The following MAD2L2 variants were observed in gnomAD, a reference collection of about 807,000 sequenced individuals.
MAD2L2 encodes the protein mitotic spindle assembly checkpoint protein MAD2B.
A neutral mutation model predicts 30.5 loss-of-function variants in MAD2L2; 17 were observed. The ratio of observed to expected loss-of-function variants is 0.56; its 90% CI spans 0.38 to 0.84. MAD2L2 has a LOEUF of 0.84. MAD2L2 is among the 40% of genes least tolerant of loss of function. MAD2L2 has a pLI of 0.00. For missense variants in MAD2L2, 213 were observed against 277.4 expected, an observed-to-expected ratio of 0.77 and a Z score of 1.65; for synonymous variants, 101 against 113.9, an observed-to-expected ratio of 0.89 and a Z score of 0.72.
At chr1:11,684,070 C>T (rs1224395153), upstream of MAD2L2, among the ~76,000 whole-genome samples, 1 of 152,132 alleles carries the variant, frequency 6.6e-6, no homozygotes, top group Non-Finnish European at 1.5e-5. Flanking sequence ...GGGATTCAAA[C>T]CCATCTGACC....
rs985986649 is a variant in MAD2L2 at position 11,687,806 on chromosome 1, T to G, written c.-692+3607A>C. On this transcript the variant is annotated intron_variant, in intron 1 of 10. Coordinates refer to the MAD2L2 transcript ENST00000235310. This position sits in a 1 kb window ranked among gnomAD's most constrained non-coding sequence, Gnocchi z 4.1. ...GTCGAATCACATATTGATACTTCAT[T>G]CCTTCGTAGAACCAAAATACTCCCG... Among the ~76,000 whole-genome samples the G allele has an allele frequency of 1.3e-5, 2 of 152,218 alleles. No individual in the cohort carries two copies. Among genetic ancestry groups the G allele is most frequent in the African/African-American group, 4.8e-5 (2 of 41,460 alleles).
At chr1:11,677,156 G>A (rs965145507) in intron 4 of MAD2L2, 27 of 617,960 alleles carry the variant, frequency 4.4e-5, no homozygotes, top group African/African-American at 9.2e-5. Flanking sequence ...GAGAATGCCC[G>A]GGCCCCATAG....
At position 11,688,282 on chromosome 1, in the gene MAD2L2, G is replaced by A. The variant is rs901747741; in HGVS notation, c.-692+3131C>T. ...ACCTTAGGAATCAGCACACGTGGCC[G>A]GGCACGGTGGCTCATGCCTGTAATC... On this transcript the variant is annotated intron_variant, in intron 1 of 10. Transcript: ENST00000235310. The surrounding 1 kb of genome is among the most constrained non-coding windows in gnomAD (Gnocchi z 4.6). Among the ~76,000 whole-genome samples the A allele has an allele frequency of 8.5e-5, 13 of 152,150 alleles. No individual in the cohort carries two copies. The highest frequency in any genetic ancestry group is 2.7e-4 in the African/African-American group (11 of 41,414).
At chr1:11,676,703 G>T in intron 5 of MAD2L2, 145 bp downstream of exon 5, 2 of 692,262 alleles carry the variant, frequency 2.9e-6, no homozygotes, top group Non-Finnish European at 2.6e-6. Flanking sequence ...CTGCTCACAG[G>T]CTGTCCCCTT....
At chr1:11,682,314 G>A (rs2100714978), upstream of MAD2L2, among the ~76,000 whole-genome samples, 1 of 152,288 alleles carries the variant, frequency 6.6e-6, no homozygotes, top group Admixed American at 6.5e-5. Flanking sequence ...CAACAAGTCA[G>A]GACCAGAAGC....
Position 11,675,153 on chromosome 1 carries a change from C to T in MAD2L2, c.523G>A (p.Asp175Asn). The T allele has an allele frequency of 6.2e-7, 1 of 1,602,362 alleles. No individual in the cohort carries two copies. Among genetic ancestry groups the T allele is most frequent in the Non-Finnish European group, 8.5e-7 (1 of 1,173,440 alleles). Residue 175 changes from aspartate (D) to asparagine (N), a missense_variant, in exon 8 of 9, where the codon GAT becomes AAT. Physicochemically the swap from Asp to Asn is conservative, Grantham distance 23 (BLOSUM62 1). Transcript: ENST00000376692. ...VIKDFPWILA[D>N]EQDVHMHDPR... The stretch of plus-strand genomic sequence containing the variant: ...TCATGCATGTGGACATCCTGCTCAT[C>T]CGCCAGGATCCAGGGGAAATCCTAG...
chr1:11,682,815 G>A (rs1350193771), upstream of MAD2L2, among the ~76,000 whole-genome samples: 1 of 152,086 alleles, frequency 6.6e-6, no homozygotes, highest in African/African-American at 2.4e-5. Flanking sequence ...TCCATCCAAA[G>A]GGATGGATGA....
rs1249676838 is a variant in MAD2L2, at chr1:11,690,515, G to A, written c.-692+898C>T. Among the ~76,000 whole-genome samples, 1 of 152,198 alleles carries A rather than the reference G, an allele frequency of 6.6e-6. No individual in the cohort carries two copies. The highest frequency in any genetic ancestry group is 2.4e-5 in the African/African-American group (1 of 41,458). ...CTCAGAGGTCAGGCGACTTGCTCGA[G>A]GTCATAGGGGACGGCATCAGAAGAG... On this transcript the variant is annotated intron_variant, in intron 1 of 10. Coordinates refer to the MAD2L2 transcript ENST00000235310. The surrounding 1 kb of genome is among the most constrained non-coding windows in gnomAD (Gnocchi z 4.2).
At chr1:11,679,380 T>C (rs1169248581) in intron 3 of MAD2L2, among the ~76,000 whole-genome samples, 2 of 152,202 alleles carry the variant, frequency 1.3e-5, no homozygotes. Context: ...TACAGTGCGA[T>C]GCACACTGCT....
upstream of MAD2L2, among the ~76,000 whole-genome samples, chr1:11,683,205 C>T (rs1640905090): frequency 6.6e-6 from 1 of 152,176 alleles, no homozygotes; most frequent in Non-Finnish European, 1.5e-5. Flanking sequence ...AAGTCAGGCC[C>T]TCCCTCCATG....
At position 11,687,380 on chromosome 1, in the gene MAD2L2, C is replaced by T. The variant is rs1035184236; in HGVS notation, c.-692+4033G>A. Among the ~76,000 whole-genome samples the T allele has an allele frequency of 6.6e-6, 1 of 152,242 alleles. No homozygotes were observed. Among genetic ancestry groups the T allele is most frequent in the African/African-American group, 2.4e-5 (1 of 41,458 alleles). On this transcript the variant is annotated intron_variant, in intron 1 of 10. Transcript: ENST00000235310. The surrounding 1 kb of genome is among the most constrained non-coding windows in gnomAD (Gnocchi z 4.1). ...TCAGCCTCCCGAGTAGCTGGGACTA[C>T]AGGCGACCTCCATCACGCTTGGCTA...
At position 11,680,900 on chromosome 1, in the gene MAD2L2, G is replaced by A. The variant is rs1192277494; in HGVS notation, c.-13+139C>T. 4 of 633,112 alleles carry A rather than the reference G, an allele frequency of 6.3e-6. No individual in the cohort carries two copies. The African/African-American group carries it at 7.6e-5, about 12-fold the overall frequency. 39.2% of individuals were successfully genotyped at this position (633,112 alleles called of 1,614,324 possible). ...AAAGGGCAGGGCCGCGGACGCAGAG[G>A]GAAACAGCGGGATGCCCAGGGCCGG... On this transcript the variant is annotated intron_variant, in intron 1 of 8. Coordinates refer to ENST00000376692, the MANE Select transcript of MAD2L2 (RefSeq NM_006341.4).
chr1:11,685,393 A>G (rs940876849), upstream of MAD2L2, among the ~76,000 whole-genome samples: 2 of 152,162 alleles, frequency 1.3e-5, no homozygotes, highest in Non-Finnish European at 2.9e-5. Context: ...TGCCCGGGCT[A>G]TGGGTGGCAC....
In MAD2L2 at chr1:11,677,631, G is replaced by A. The variant is rs1388054336; in HGVS notation, c.160-17C>T. The A allele has an allele frequency of 6.2e-7, 1 of 1,608,708 alleles. No individual in the cohort carries two copies. Among genetic ancestry groups the A allele is most frequent in the African/African-American group, 1.3e-5 (1 of 74,846 alleles). ...GCAGGACATCTGCACACAATACCAT[G>A]CGGCTCGTGAGGCCCAAAGCACAGA... is the stretch of plus-strand genomic sequence containing the variant. On this transcript the variant is annotated splice_polypyrimidine_tract_variant and intron_variant, in intron 3 of 8. Coordinates refer to ENST00000376692, the MANE Select transcript of MAD2L2 (RefSeq NM_006341.4).
intron 7 of MAD2L2, 109 bp from the exon 8 acceptor site, chr1:11,675,283 T>A (rs1008807712): frequency 5.3e-5 from 38 of 715,666 alleles, no homozygotes; most frequent in Admixed American, 6.0e-5. Context: ...AGCCTCAGAA[T>A]CACTAGGAAG....
rs1320441564 is a variant in MAD2L2 at position 11,690,689 on chromosome 1, A to T, written c.-692+724T>A. Among the ~76,000 whole-genome samples, 1 of 152,158 alleles carries T rather than the reference A, an allele frequency of 6.6e-6. No individual in the cohort carries two copies. The highest frequency in any genetic ancestry group is 1.5e-5 in the Non-Finnish European group (1 of 68,024). Reference sequence around the variant, plus strand: ...GGGAGCGCTGCTTCCCACATATGGGAGTCCGGCCCCATCGCTCTTTGATCT... The same window carrying T: ...GGGAGCGCTGCTTCCCACATATGGGTGTCCGGCCCCATCGCTCTTTGATCT... On this transcript the variant is annotated intron_variant, in intron 1 of 10. Transcript: ENST00000235310. The surrounding 1 kb of genome is among the most constrained non-coding windows in gnomAD (Gnocchi z 4.2).
At chr1:11,684,752 CCAATCA>C (rs1640930543), upstream of MAD2L2, among the ~76,000 whole-genome samples, 1 of 152,124 alleles carries the variant, frequency 6.6e-6, no homozygotes, top group Non-Finnish European at 1.5e-5. Context: ...TCCCAGGACA[CCAATCA>C]CATGGGTATG....
intron 1 of MAD2L2, among the ~76,000 whole-genome samples, chr1:11,689,685 C>G (rs1038468262): frequency 3.3e-5 from 5 of 152,216 alleles, no homozygotes; most frequent in African/African-American, 1.2e-4. Context: ...TAAAAATGGG[C>G]AACCAGCAAC....
exon 1 of MAD2L2, chr1:11,691,536 C>T (rs1363158374): frequency 6.6e-6 from 1 of 151,734 alleles, no homozygotes; most frequent in African/African-American, 2.4e-5. Context: ...GGGGAGCTGG[C>T]CCAGAACTCA....
Sources: allele counts gnomAD v4.1 joint callset (sites outside exome capture counted in the v4.1 genomes callset), GRCh38; gene constraint gnomAD v4.1.1; non-coding constraint Gnocchi (gnomAD v3.1); transcripts MANE v1.5; gene names NCBI Gene and HGNC (gene_info 2026-07-23, HGNC 2026-07-21).